The following ASPA variants were observed in gnomAD, a reference collection of about 807,000 sequenced individuals.
ASPA encodes ACY-2.
A neutral mutation model predicts 29.6 loss-of-function variants in ASPA; 25 were observed. That is an observed-to-expected ratio of 0.85 (90% CI 0.62 to 1.18). The LOEUF (loss-of-function observed/expected upper bound fraction) is 1.18. Among genes scored for constraint, ASPA ranks in the 50% most tolerant of loss-of-function variants. The probability of loss-of-function intolerance (pLI) is 0.00; values close to 1 mark genes in which losing one functional copy is unlikely to be tolerated. For missense variants in ASPA, 333 were observed against 385.7 expected, an observed-to-expected ratio of 0.86 and a Z score of 1.14; for synonymous variants, 131 against 130.3, an observed-to-expected ratio of 1.01 and a Z score of -0.04.
intron 4 of ASPA, among the ~76,000 whole-genome samples, chr17:3,493,610 G>A (rs1362785771): frequency 7.0e-6 from 1 of 143,344 alleles, no homozygotes; most frequent in East Asian, 2.0e-4. Context: ...CGATACTGAA[G>A]TCACCTCAGT....
At position 3,502,451 on chromosome 17, in the gene ASPA, T is replaced by C. The variant is rs539493936; in HGVS notation, c.*3363T>C. On this transcript the variant is annotated 3_prime_UTR_variant, in exon 6 of 6. Coordinates refer to ENST00000263080, the MANE Select transcript of ASPA (RefSeq NM_000049.4). The stretch of plus-strand genomic sequence containing the variant: ...GTAGAAATGAGTTGTGCAGAATTGC[T>C]ATTTTTTTCAATTTTTATATTTGGG... 1 of 152,222 alleles carries C rather than the reference T, an allele frequency of 6.6e-6. No homozygotes were observed. Among genetic ancestry groups the C allele is most frequent in the African/African-American group, 2.4e-5 (1 of 41,454 alleles). The allele number at this position is 152,222 out of a possible 1,614,324, so 9.4% of individuals were successfully genotyped here.
Position 3,476,201 on chromosome 17 carries a change from T to G in ASPA, c.42T>G (p.Val14=). ...CHIAEEHIQK[V]AIFGGTHGNE... ...TTGCTGAAGAACATATACAAAAGGT[T>G]GCTATCTTTGGAGGAACCCATGGGA... is the stretch of plus-strand genomic sequence containing the variant. Residue 14 remains valine (V), a synonymous_variant, in exon 1 of 6, where the codon GTT becomes GTG. Coordinates refer to ENST00000263080, the MANE Select transcript of ASPA (RefSeq NM_000049.4). The G allele has an allele frequency of 6.2e-7, 1 of 1,614,128 alleles. No individual in the cohort carries two copies. Among genetic ancestry groups the G allele is most frequent in the Non-Finnish European group, 8.5e-7 (1 of 1,180,024 alleles).
chr17:3,489,470 A>G, intron 4 of ASPA, 128 bp downstream of exon 4: 1 of 737,824 alleles, frequency 1.4e-6, no homozygotes, highest in South Asian at 1.6e-5. Flanking sequence ...CACTTCAGCT[A>G]TTCCCCAATG....
chr17:3,486,365 G>A (rs1163817387), intron 3 of ASPA, among the ~76,000 whole-genome samples: 1 of 152,194 alleles, frequency 6.6e-6, no homozygotes, highest in East Asian at 1.9e-4. Flanking sequence ...AAAATAGTCC[G>A]TGTCTTGCTC....
intron 1 of ASPA, among the ~76,000 whole-genome samples, chr17:3,478,191 A>AT (rs1324639367): frequency 1.2e-3 from 187 of 150,956 alleles, no homozygotes; most frequent in African/African-American, 3.8e-3. Flanking sequence ...TCTCAAAAAA[A>AT]AAAATATATA....
At chr17:3,476,981 C>G (rs1230574590) in intron 1 of ASPA, among the ~76,000 whole-genome samples, 1 of 152,086 alleles carries the variant, frequency 6.6e-6, no homozygotes, top group Non-Finnish European at 1.5e-5. Context: ...CAGTGAAACC[C>G]CATCTCTACT....
At position 3,488,549 on chromosome 17, in the gene ASPA, C is replaced by T. The variant is rs112048586; in HGVS notation, c.527-686C>T. On this transcript the variant is annotated intron_variant, in intron 3 of 5. Coordinates refer to ENST00000263080, the MANE Select transcript of ASPA (RefSeq NM_000049.4). This position sits in a 1 kb window ranked among gnomAD's most constrained non-coding sequence, Gnocchi z 6.1. ...GCCCGTGCCTGTAATCCCAGCTACT[C>T]GGGAGGCTGAGGCAGAAGAATCGCT... is the stretch of plus-strand genomic sequence containing the variant. 5.1e-3 allele frequency among the ~76,000 whole-genome samples: 770 copies of T among 152,168 alleles called. 9 individuals are homozygous for T. Among genetic ancestry groups the T allele is most frequent in the Admixed American group, 5.3e-3 (81 of 15,280 alleles).
chr17:3,495,311 C>CA (rs2073891562), intron 5 of ASPA, among the ~76,000 whole-genome samples: 1 of 152,116 alleles, frequency 6.6e-6, no homozygotes. Flanking sequence ...TAAAAAACAT[C>CA]ATAATAGCAA....
chr17:3,477,506 T>G (rs1567609236), intron 1 of ASPA, among the ~76,000 whole-genome samples: 1 of 152,138 alleles, frequency 6.6e-6, no homozygotes. Context: ...CAGTCTGGAG[T>G]GCAATGGTGC....
rs2073634558 is a variant in ASPA, at chr17:3,481,748, C to T, written c.382C>T (p.Leu128Phe). 1.2e-6 allele frequency: 2 copies of T among 1,613,236 alleles called. No homozygotes were observed. The highest frequency in any genetic ancestry group is 1.3e-5 in the African/African-American group (1 of 75,004). The change falls in exon 2 of 6, where the codon CTT (leucine) becomes TTT (phenylalanine). Residue 128 changes from leucine (L) to phenylalanine (F), a missense_variant. Transcript: ENST00000263080. ...TTSNMGCTLILEDSRNNFLIQ... is the reference protein window; with the variant it reads ...TTSNMGCTLIFEDSRNNFLIQ... ...CTCTAACATGGGGTGCACTCTTATT[C>T]TTGAGGATTCCAGGAATAACTTTTT... is the stretch of plus-strand genomic sequence containing the variant.
Position 3,500,346 on chromosome 17 carries a change from G to A in ASPA, c.*1258G>A, listed in dbSNP as rs1270364218. Reference sequence around the variant, plus strand: ...TAGTTGAAACAGCCTTCTATTGGAAGAAGATGCTATCTAGGACTTTCCTAG... The same window carrying A: ...TAGTTGAAACAGCCTTCTATTGGAAAAAGATGCTATCTAGGACTTTCCTAG... On this transcript the variant is annotated 3_prime_UTR_variant, in exon 6 of 6. Transcript: ENST00000263080. 6.6e-6 allele frequency: 1 copy of A among 152,376 alleles called. No individual in the cohort carries two copies. The highest frequency in any genetic ancestry group is 2.4e-5 in the African/African-American group (1 of 41,456). The allele number at this position is 152,376 out of a possible 1,614,324, so 9.4% of individuals were successfully genotyped here. A position where few individuals can be genotyped will look rare whatever the true frequency, so the allele number is the denominator to read the frequency against.
In ASPA at chr17:3,490,469, G is replaced by C. The variant is rs919420272; in HGVS notation, c.634+1127G>C. 6.6e-6 allele frequency among the ~76,000 whole-genome samples: 1 copy of C among 152,148 alleles called. No individual in the cohort carries two copies. The highest frequency in any genetic ancestry group is 1.5e-5 in the Non-Finnish European group (1 of 68,030). On this transcript the variant is annotated intron_variant, in intron 4 of 5. Coordinates refer to ENST00000263080, the MANE Select transcript of ASPA (RefSeq NM_000049.4). This position sits in a 1 kb window ranked among gnomAD's most constrained non-coding sequence, Gnocchi z 4.6. ...AGTTGAAATTGTTGTTGAGGAATGGGCAATTATAATAACAGAGGGGGTGTG... is the reference window on the plus strand; with the variant it reads ...AGTTGAAATTGTTGTTGAGGAATGGCCAATTATAATAACAGAGGGGGTGTG...
intron 3 of ASPA, among the ~76,000 whole-genome samples, chr17:3,484,206 C>G (rs1345029056): frequency 6.6e-6 from 1 of 152,130 alleles, no homozygotes; most frequent in Non-Finnish European, 1.5e-5. Flanking sequence ...CTTTCCCTGA[C>G]CCTCCTCTAT....
Position 3,492,434 on chromosome 17 carries a change from T to C in ASPA, c.635-1916T>C, listed in dbSNP as rs74391475. Among the ~76,000 whole-genome samples the C allele has an allele frequency of 2.2e-4, 34 of 152,358 alleles. No individual in the cohort carries two copies. The East Asian group carries it at 6.2e-3, about 28-fold the overall frequency. The stretch of plus-strand genomic sequence containing the variant: ...AAATGAGATCTGGTAAGTTCCCATC[T>C]TCATCTTGGAAGGTGTGGTAGATTT... On this transcript the variant is annotated intron_variant, in intron 4 of 5. Transcript: ENST00000263080.
intron 1 of ASPA, 109 bp downstream of exon 1, chr17:3,476,504 T>TACGACTGCATGTAC: frequency 1.0e-6 from 1 of 1,002,070 alleles, no homozygotes; most frequent in Non-Finnish European, 1.6e-6. Flanking sequence ...TGTCCGTACA[T>TACGACTGCATGTAC]GCAGTCGTAT....
chr17:3,485,339 C>T lies in ASPA; in HGVS notation c.526+1747C>T, dbSNP rs916461941. Among the ~76,000 whole-genome samples the T allele has an allele frequency of 3.3e-5, 5 of 152,116 alleles. No individual in the cohort carries two copies. The highest frequency in any genetic ancestry group is 1.2e-4 in the African/African-American group (5 of 41,396). ...TTCACAGTTTTAATCACACCTATCC[C>T]ACACAGACTTATACAAACTTATCCA... On this transcript the variant is annotated intron_variant, in intron 3 of 5. Coordinates refer to ENST00000263080, the MANE Select transcript of ASPA (RefSeq NM_000049.4). This position sits in a 1 kb window ranked among gnomAD's most constrained non-coding sequence, Gnocchi z 4.4.
chr17:3,485,228 C>T lies in ASPA; in HGVS notation c.526+1636C>T, dbSNP rs2073698787. On this transcript the variant is annotated intron_variant, in intron 3 of 5. Transcript: ENST00000263080. This position sits in a 1 kb window ranked among gnomAD's most constrained non-coding sequence, Gnocchi z 4.4. ...AGACAGGATCTCAGTATGATCAGGT[C>T]TCAAACTCCTGATTCAAGCGATCCT... Among the ~76,000 whole-genome samples, 1 of 152,058 alleles carries T rather than the reference C, an allele frequency of 6.6e-6. No individual in the cohort carries two copies. The highest frequency in any genetic ancestry group is 2.1e-4 in the South Asian group (1 of 4,824).
At chr17:3,486,714 G>T (rs4790495) in intron 3 of ASPA, among the ~76,000 whole-genome samples, 134,073 of 152,226 alleles carry the variant, frequency 0.88, 59,327 homozygotes, top group Non-Finnish European at 0.92. Context: ...CAGGAGTAAT[G>T]TAATTTAAAA....
intron 3 of ASPA, 97 bp downstream of exon 3, chr17:3,483,689 G>C (rs1242967681): frequency 1.7e-6 from 2 of 1,191,204 alleles, no homozygotes; most frequent in East Asian, 5.0e-5. Flanking sequence ...TTGAGACAGA[G>C]TCTTGCTCTG....
Sources: allele counts gnomAD v4.1 joint callset (sites outside exome capture counted in the v4.1 genomes callset), GRCh38; gene constraint gnomAD v4.1.1; non-coding constraint Gnocchi (gnomAD v3.1); transcripts MANE v1.5; gene names NCBI Gene and HGNC (gene_info 2026-07-23, HGNC 2026-07-21).